The following DAB1 variants were observed in gnomAD, a reference collection of about 807,000 sequenced individuals.
DAB1 encodes the protein disabled homolog 1.
Under a neutral mutation model 64.6 loss-of-function variants are expected in DAB1, and 15 were observed. The ratio of observed to expected loss-of-function variants is 0.23; its 90% confidence interval spans 0.16 to 0.36. The LOEUF is 0.36. DAB1 is among the 10% of genes least tolerant of loss of function. The pLI is 1.00. For missense variants in DAB1, 596 were observed against 706.7 expected, an observed-to-expected ratio of 0.84 and a Z score of 1.78; for synonymous variants, 235 against 251.9, an observed-to-expected ratio of 0.93 and a Z score of 0.64.
intron 6 of DAB1, among the ~76,000 whole-genome samples, chr1:57,655,162 C>A (rs1646301592): frequency 6.6e-6 from 1 of 152,180 alleles, no homozygotes; most frequent in Middle Eastern, 3.4e-3. Flanking sequence ...TTTTCATAAC[C>A]AATAAGGCAT....
intron 6 of DAB1, among the ~76,000 whole-genome samples, chr1:57,707,631 C>A (rs1476119123): frequency 2.6e-5 from 4 of 152,062 alleles, no homozygotes; most frequent in African/African-American, 9.7e-5. Context: ...ATTTTACATT[C>A]TTGTGTCCAT....
At chr1:57,165,812 T>G (rs1340721997) in intron 2 of DAB1, among the ~76,000 whole-genome samples, 4 of 152,340 alleles carry the variant, frequency 2.6e-5, no homozygotes, top group Non-Finnish European at 5.9e-5. Flanking sequence ...CTTTTCTCCC[T>G]GTGGAGATAA....
chr1:57,036,376 T>C (rs965043732), intron 9 of DAB1, among the ~76,000 whole-genome samples: 4 of 152,142 alleles, frequency 2.6e-5, no homozygotes, highest in Non-Finnish European at 5.9e-5. Flanking sequence ...TACCTTACTG[T>C]TCTAACTCTG....
intron 7 of DAB1, among the ~76,000 whole-genome samples, chr1:57,502,536 T>A (rs1644302700): frequency 6.6e-6 from 1 of 152,218 alleles, no homozygotes; most frequent in Non-Finnish European, 1.5e-5. Flanking sequence ...TCTCTCCGAA[T>A]AGAATGTTAA....
At chr1:58,037,820 C>T (rs2100496208) in intron 5 of DAB1, among the ~76,000 whole-genome samples, 1 of 152,236 alleles carries the variant, frequency 6.6e-6, no homozygotes, top group East Asian at 1.9e-4. Context: ...TGCAGTTTTT[C>T]CTGGGAAAGC....
chr1:57,928,854 T>A (rs1644916016), intron 5 of DAB1, among the ~76,000 whole-genome samples: 1 of 152,228 alleles, frequency 6.6e-6, no homozygotes, highest in African/African-American at 2.4e-5. Context: ...ATTCACCAAC[T>A]GAAGGACATC....
intron 5 of DAB1, among the ~76,000 whole-genome samples, chr1:58,042,559 G>A (rs925611185): frequency 1.3e-5 from 2 of 152,150 alleles, no homozygotes; most frequent in African/African-American, 4.8e-5. Context: ...TATGCATGGC[G>A]CATTGAAAAC....
At chr1:57,478,740 G>A (rs761296928) in intron 7 of DAB1, among the ~76,000 whole-genome samples, 7 of 151,148 alleles carry the variant, frequency 4.6e-5, no homozygotes, top group East Asian at 1.9e-4. Context: ...TTACAGGTGC[G>A]TGCCACCATG....
chr1:57,023,856 A>C lies in DAB1; in HGVS notation c.787-217T>G, dbSNP rs3820579. ...GAGGATTAAGTGAGATTATGTAATT[A>C]AATTATTTTACATTACTTAAATTTT... On this transcript the variant is annotated intron_variant, in intron 10 of 14. Transcript: ENST00000371236. 0.14 allele frequency among the ~76,000 whole-genome samples: 21,495 copies of C among 152,170 alleles called. 2,039 individuals carry two copies. Among genetic ancestry groups the C allele is most frequent in the East Asian group, 0.33 (1,701 of 5,158 alleles).
At chr1:58,195,482 T>C (rs1657628103) in intron 4 of DAB1, among the ~76,000 whole-genome samples, 1 of 151,726 alleles carries the variant, frequency 6.6e-6, no homozygotes, top group South Asian at 2.1e-4. Flanking sequence ...GAAGAAGAGA[T>C]AGAGAAAAAA....
At chr1:58,340,649 T>C (rs949119816) in intron 4 of DAB1, among the ~76,000 whole-genome samples, 1 of 152,124 alleles carries the variant, frequency 6.6e-6, no homozygotes, top group Non-Finnish European at 1.5e-5. Context: ...TCACAATAAG[T>C]GGCTGACGTG....
At chr1:57,373,264 A>G (rs1364135680) in intron 1 of DAB1, among the ~76,000 whole-genome samples, 1 of 152,186 alleles carries the variant, frequency 6.6e-6, no homozygotes, top group Admixed American at 6.5e-5. Flanking sequence ...GGTTTGTTGG[A>G]TCCATCCCTC....
At chr1:57,601,415 A>C (rs1181667604) in intron 7 of DAB1, among the ~76,000 whole-genome samples, 1 of 152,118 alleles carries the variant, frequency 6.6e-6, no homozygotes, top group Non-Finnish European at 1.5e-5. Flanking sequence ...TCTACTAAAA[A>C]TACAAAATTA....
At chr1:57,693,837 C>T (rs552827102) in intron 6 of DAB1, among the ~76,000 whole-genome samples, 28 of 152,200 alleles carry the variant, frequency 1.8e-4, no homozygotes, top group African/African-American at 4.6e-4. Context: ...CCCAAAGGTC[C>T]GCAGCTTCAT....
intron 2 of DAB1, among the ~76,000 whole-genome samples, chr1:57,279,904 T>G (rs1002096086): frequency 1.3e-5 from 2 of 152,206 alleles, no homozygotes; most frequent in Non-Finnish European, 2.9e-5. Flanking sequence ...ACATATTTTA[T>G]CATCATTCCC....
At chr1:58,505,564 C>G (rs1395671747) in intron 3 of DAB1, among the ~76,000 whole-genome samples, 1 of 152,084 alleles carries the variant, frequency 6.6e-6, no homozygotes, top group East Asian at 1.9e-4. Context: ...ATGCTTCACT[C>G]TTATCTTCAT....
chr1:58,469,734 C>A (rs1645335683), intron 3 of DAB1, among the ~76,000 whole-genome samples: 1 of 152,150 alleles, frequency 6.6e-6, no homozygotes, highest in Admixed American at 6.6e-5. Context: ...CAGGGAGAAG[C>A]CATTGGGGAT....
At chr1:57,710,755 G>T (rs1450199412) in intron 6 of DAB1, among the ~76,000 whole-genome samples, 1 of 151,972 alleles carries the variant, frequency 6.6e-6, no homozygotes, top group Non-Finnish European at 1.5e-5. Flanking sequence ...TTTTTAGTGT[G>T]TGTGTGTGGA....
At chr1:58,334,850 G>T (rs894461239) in intron 4 of DAB1, among the ~76,000 whole-genome samples, 1 of 151,764 alleles carries the variant, frequency 6.6e-6, no homozygotes, top group Non-Finnish European at 1.5e-5. Context: ...AGGAATACGT[G>T]AACCAATGAA....
Sources: gnomAD v4.1 joint callset for allele counts (sites outside exome capture counted in the v4.1 genomes callset) on GRCh38, gnomAD v4.1.1 for gene constraint, MANE v1.5 for transcripts, NCBI Gene and HGNC (gene_info 2026-07-23, HGNC 2026-07-21) for gene names.